Variants in FOXP2 observed in about 807,000 individuals in gnomAD.
The protein encoded by FOXP2 is forkhead box P2.
A neutral mutation model predicts 115.8 loss-of-function variants in FOXP2; 12 were observed. The ratio of observed to expected loss-of-function variants is 0.10; its 90% confidence interval spans 0.07 to 0.17. The LOEUF (loss-of-function observed/expected upper bound fraction) is 0.17, where lower values mean the gene tolerates loss of function less well. Ranked by LOEUF, FOXP2 falls within the 10% of genes least tolerant of loss-of-function variation. The pLI is 1.00. For missense variants in FOXP2, 629 were observed against 843.5 expected (o/e 0.75, Z 3.15); for synonymous variants, 328 against 297.7 (o/e 1.10, Z -1.05).
At position 114,561,701 on chromosome 7, in the gene FOXP2, T is replaced by C. The variant is rs149036537; in HGVS notation, c.258+26995T>C. Among the ~76,000 whole-genome samples, 11 of 152,312 alleles carry C rather than the reference T, an allele frequency of 7.2e-5. No individual in the cohort carries two copies. In the East Asian group the frequency reaches 1.9e-3, roughly 27 times the overall value. On this transcript the variant is annotated intron_variant, in intron 3 of 16. Coordinates refer to ENST00000350908, the MANE Select transcript of FOXP2 (RefSeq NM_014491.4). The stretch of plus-strand genomic sequence containing the variant: ...CACTAATCCATGAAGAAAACAAACA[T>C]AAAAATTATAAACATTCATGAATCG...
At chr7:114,249,363 C>T (rs1480826161) in intron 1 of FOXP2, among the ~76,000 whole-genome samples, 2 of 151,840 alleles carry the variant, frequency 1.3e-5, no homozygotes, top group African/African-American at 2.4e-5. Context: ...TGCTCTCCTT[C>T]CCCCCCGTTC....
At chr7:114,688,246 CAT>C (rs1491581404) in intron 16 of FOXP2, among the ~76,000 whole-genome samples, 9 of 77,032 alleles carry the variant, frequency 1.2e-4, no homozygotes, top group Non-Finnish European at 1.6e-4. Context: ...CACACACACA[CAT>C]CTTTTTTTTT....
intron 1 of FOXP2, among the ~76,000 whole-genome samples, chr7:114,226,330 T>C (rs758092160): frequency 6.6e-6 from 1 of 152,226 alleles, no homozygotes; most frequent in Non-Finnish European, 1.5e-5. Context: ...GTGGTAATTC[T>C]GGATGCTTTT....
At chr7:114,130,243 A>G (rs1335176544) in intron 1 of FOXP2, among the ~76,000 whole-genome samples, 4 of 152,184 alleles carry the variant, frequency 2.6e-5, no homozygotes, top group Non-Finnish European at 5.9e-5. Context: ...GGATGACTTG[A>G]GCCTGGGAGG....
intron 1 of FOXP2, among the ~76,000 whole-genome samples, chr7:114,132,779 T>C (rs1791926956): frequency 6.6e-6 from 1 of 152,032 alleles, no homozygotes; most frequent in Admixed American, 6.6e-5. Context: ...TTTGAGCAAC[T>C]GCAAGCAGGC....
rs71157580 is a variant in FOXP2, at chr7:114,304,669, C to CAAAAA, written c.-11+16583_-11+16587dup. On this transcript the variant is annotated intron_variant, in intron 2 of 17. Coordinates refer to the FOXP2 transcript ENST00000634411. ...TAGGTGACAGAGTGAGACTCTGTCT[C>CAAAAA]AAAAAAAAAAAAAAAAAAAAAAAAA... Among the ~76,000 whole-genome samples the CAAAAA allele has an allele frequency of 2.9e-4, 19 of 65,136 alleles. 2 individuals are homozygous for CAAAAA. The highest frequency in any genetic ancestry group is 8.6e-4 in the African/African-American group (13 of 15,204). 42.7% of individuals were successfully genotyped at this position (65,136 alleles called of 152,430 possible). A position where few individuals can be genotyped will look rare whatever the true frequency, so the allele number is the denominator to read the frequency against.
At chr7:114,344,475 G>A (rs773676847) in intron 2 of FOXP2, among the ~76,000 whole-genome samples, 4 of 151,748 alleles carry the variant, frequency 2.6e-5, no homozygotes, top group African/African-American at 9.7e-5. Context: ...CATCTGAGAC[G>A]TTTCCACATT....
chr7:114,430,518 G>T (rs1256219270), intron 2 of FOXP2, among the ~76,000 whole-genome samples: 1 of 151,724 alleles, frequency 6.6e-6, no homozygotes, highest in Non-Finnish European at 1.5e-5. Flanking sequence ...GAAGGCACTG[G>T]TAAATAGTGG....
chr7:114,310,925 T>C (rs542690445), intron 2 of FOXP2, among the ~76,000 whole-genome samples: 9 of 152,276 alleles, frequency 5.9e-5, no homozygotes, highest in African/African-American at 2.2e-4. Context: ...CTCAACCTTT[T>C]GACTTGAGCC....
intron 2 of FOXP2, among the ~76,000 whole-genome samples, chr7:114,439,707 G>C (rs1278566405): frequency 2.0e-5 from 3 of 151,916 alleles, no homozygotes; most frequent in African/African-American, 4.8e-5. Context: ...ACCACGCCTA[G>C]CTCCTAATTT....
chr7:114,249,832 G>A (rs767891697), intron 1 of FOXP2, among the ~76,000 whole-genome samples: 1 of 151,718 alleles, frequency 6.6e-6, no homozygotes, highest in Non-Finnish European at 1.5e-5. Context: ...AAGTTCTAGG[G>A]TACATGTGCA....
At chr7:114,320,612 A>C (rs1374421626) in intron 2 of FOXP2, among the ~76,000 whole-genome samples, 1 of 152,198 alleles carries the variant, frequency 6.6e-6, no homozygotes, top group African/African-American at 2.4e-5. Context: ...ATGTATCTTC[A>C]GAATATTTGA....
At chr7:114,656,025 C>T (rs954521530) in intron 10 of FOXP2, among the ~76,000 whole-genome samples, 21 of 152,092 alleles carry the variant, frequency 1.4e-4, no homozygotes, top group Admixed American at 2.6e-4. Context: ...ATAATAAATT[C>T]TATTTTATCA....
intron 2 of FOXP2, among the ~76,000 whole-genome samples, chr7:114,408,557 T>A (rs964989598): frequency 1.3e-5 from 2 of 152,050 alleles, no homozygotes; most frequent in African/African-American, 4.8e-5. Flanking sequence ...TGAAACCCTG[T>A]CTCTACGAAA....
intron 2 of FOXP2, among the ~76,000 whole-genome samples, chr7:114,405,268 C>T (rs1212063601): frequency 1.3e-5 from 2 of 151,776 alleles, no homozygotes; most frequent in Non-Finnish European, 3.0e-5. Flanking sequence ...TCCATATACT[C>T]CTTATTATAA....
chr7:114,377,173 A>T (rs899700167), intron 2 of FOXP2, among the ~76,000 whole-genome samples: 9 of 152,196 alleles, frequency 5.9e-5, no homozygotes, highest in Non-Finnish European at 1.5e-5. Context: ...TGGTGACATT[A>T]CTGTGCGATT....
At chr7:114,492,005 C>T (rs1797081401) in intron 2 of FOXP2, among the ~76,000 whole-genome samples, 1 of 152,148 alleles carries the variant, frequency 6.6e-6, no homozygotes, top group Admixed American at 6.5e-5. Context: ...CCTCCTTATA[C>T]CTCTGGTAGA....
chr7:114,243,934 G>A lies in FOXP2; in HGVS notation c.-101-44085G>A, dbSNP rs76816197. On this transcript the variant is annotated intron_variant, in intron 1 of 17. Coordinates refer to the FOXP2 transcript ENST00000634411. ...TTAGCTTGTTTTTTTTTTTTGTTTT[G>A]TTTTTGTGTTTTAGGAGATGGCGAG... is the stretch of plus-strand genomic sequence containing the variant. Among the ~76,000 whole-genome samples the A allele has an allele frequency of 3.9e-3, 576 of 148,326 alleles. 8 individuals carry two copies. The highest frequency in any genetic ancestry group is 0.032 in the East Asian group (161 of 5,092).
In FOXP2 at chr7:114,513,058, T is replaced by G. The variant is rs376254413; in HGVS notation, c.169-21559T>G. On this transcript the variant is annotated intron_variant, in intron 2 of 16. Coordinates refer to ENST00000350908, the MANE Select transcript of FOXP2 (RefSeq NM_014491.4). ...GATCGCTCACCACTGTACTCCAGCCTGGTGACAGACCAAGACTCCATCTCA... is the reference window on the plus strand; with the variant it reads ...GATCGCTCACCACTGTACTCCAGCCGGGTGACAGACCAAGACTCCATCTCA... 1.2e-4 allele frequency among the ~76,000 whole-genome samples: 19 copies of G among 152,246 alleles called. No individual in the cohort carries two copies. In the East Asian group the frequency reaches 1.4e-3, roughly 11 times the overall value.
Sources: allele counts gnomAD v4.1 joint callset (sites outside exome capture counted in the v4.1 genomes callset), GRCh38; gene constraint gnomAD v4.1.1; transcripts MANE v1.5; gene names NCBI Gene and HGNC (gene_info 2026-07-23, HGNC 2026-07-21).